The following SPAG16 variants were observed in gnomAD, a reference collection of about 807,000 sequenced individuals.
The protein encoded by SPAG16 is sperm associated antigen 16.
SPAG16 carries 86 observed loss-of-function variants against 80.4 expected under a neutral mutation model. The ratio of observed to expected loss-of-function variants is 1.07; its 90% CI spans 0.90 to 1.28. The LOEUF is 1.28. Ranked by LOEUF, SPAG16 falls within the 50% of genes most tolerant of loss-of-function variation. The pLI, the probability that SPAG16 is intolerant of heterozygous loss-of-function variation, is 0.00. For missense variants in SPAG16, 870 were observed against 765.3 expected (o/e 1.14, Z -1.61); for synonymous variants, 294 against 265.9 (o/e 1.11, Z -1.03).
chr2:213,619,940 A>G (rs943848587), intron 10 of SPAG16, among the ~76,000 whole-genome samples: 1 of 152,230 alleles, frequency 6.6e-6, no homozygotes, highest in African/African-American at 2.4e-5. Context: ...GAATGGATAA[A>G]TAAAATGTGG....
intron 13 of SPAG16, among the ~76,000 whole-genome samples, chr2:214,064,997 G>A (rs1021934207): frequency 7.2e-5 from 11 of 151,732 alleles, no homozygotes; most frequent in African/African-American, 2.2e-4. Context: ...AATAATAACA[G>A]TAACTTGTAT....
intron 10 of SPAG16, among the ~76,000 whole-genome samples, chr2:213,700,978 A>C (rs1559387637): frequency 6.6e-6 from 1 of 152,184 alleles, no homozygotes; most frequent in Non-Finnish European, 1.5e-5. Context: ...ACGGTGGCTC[A>C]TGCCTGTAAT....
At chr2:214,068,215 A>C (rs2050622092) in intron 13 of SPAG16, among the ~76,000 whole-genome samples, 1 of 152,180 alleles carries the variant, frequency 6.6e-6, no homozygotes, top group Non-Finnish European at 1.5e-5. Flanking sequence ...TGGGATGATA[A>C]ATAATATGTG....
chr2:213,886,203 C>T (rs1477173870), intron 11 of SPAG16, among the ~76,000 whole-genome samples: 3 of 152,074 alleles, frequency 2.0e-5, no homozygotes, highest in Admixed American at 6.6e-5. Context: ...CAGATAATTT[C>T]TCTGTGGCCA....
In SPAG16 at chr2:214,392,684, A is replaced by G. The variant is rs570880052; in HGVS notation, c.1721-17456A>G. On this transcript the variant is annotated intron_variant, in intron 15 of 15. Coordinates refer to ENST00000331683, the MANE Select transcript of SPAG16 (RefSeq NM_024532.5). ...GTAATTAGTGACAGGTAGATAGAAAACCAACCTACAAAGGAAAAAAAAAAA... is the reference window on the plus strand; with the variant it reads ...GTAATTAGTGACAGGTAGATAGAAAGCCAACCTACAAAGGAAAAAAAAAAA... Among the ~76,000 whole-genome samples, 7 of 129,322 alleles carry G rather than the reference A, an allele frequency of 5.4e-5. 1 individual carries two copies. In the South Asian group the frequency reaches 1.8e-3, roughly 34 times the overall value. 84.8% of individuals were successfully genotyped at this position (129,322 alleles called of 152,430 possible). A position where few individuals can be genotyped will look rare whatever the true frequency, so the allele number is the denominator to read the frequency against.
At chr2:213,458,891 G>GT (rs1325655298) in intron 9 of SPAG16, among the ~76,000 whole-genome samples, 5 of 151,736 alleles carry the variant, frequency 3.3e-5, no homozygotes, top group Admixed American at 1.3e-4. Context: ...ACATAAATAT[G>GT]TTTTTCTTTT....
At chr2:213,389,549 TCAA>T (rs962699216) in intron 9 of SPAG16, among the ~76,000 whole-genome samples, 6 of 151,994 alleles carry the variant, frequency 3.9e-5, no homozygotes, top group African/African-American at 1.2e-4. Context: ...TTCCTAAAAC[TCAA>T]CAACAACAAA....
chr2:213,323,394 T>TAG (rs1559410378), intron 5 of SPAG16, among the ~76,000 whole-genome samples: 31 of 151,904 alleles, frequency 2.0e-4, no homozygotes, highest in Non-Finnish European at 3.5e-4. Context: ...TGAGCCGAGA[T>TAG]CATGCCACTG....
At chr2:213,429,691 C>T (rs2070168537) in intron 9 of SPAG16, among the ~76,000 whole-genome samples, 2 of 152,186 alleles carry the variant, frequency 1.3e-5, no homozygotes, top group South Asian at 4.1e-4. Flanking sequence ...ACCACTACTA[C>T]AACCAACATT....
At chr2:213,503,490 C>G (rs1453071984) in intron 10 of SPAG16, among the ~76,000 whole-genome samples, 2 of 151,976 alleles carry the variant, frequency 1.3e-5, no homozygotes, top group Non-Finnish European at 2.9e-5. Context: ...TCATGCCCTT[C>G]AGGTCTGATT....
intron 10 of SPAG16, among the ~76,000 whole-genome samples, chr2:213,775,831 A>C (rs546702175): frequency 9.2e-5 from 14 of 152,328 alleles, no homozygotes; most frequent in African/African-American, 3.1e-4. Context: ...ATTAAGTGGA[A>C]GCTGCATTTT....
At chr2:213,980,949 C>T (rs2045717361) in intron 12 of SPAG16, among the ~76,000 whole-genome samples, 1 of 151,716 alleles carries the variant, frequency 6.6e-6, no homozygotes, top group South Asian at 2.1e-4. Context: ...GAGTAAAAAT[C>T]TATGTGGGTC....
intron 15 of SPAG16, among the ~76,000 whole-genome samples, chr2:214,303,976 A>G (rs1238469433): frequency 2.6e-5 from 4 of 152,094 alleles, no homozygotes; most frequent in Non-Finnish European, 5.9e-5. Context: ...CCTAGTACCC[A>G]TTAGGTATTT....
chr2:213,493,009 G>T (rs957005308), intron 10 of SPAG16, among the ~76,000 whole-genome samples: 1 of 151,846 alleles, frequency 6.6e-6, no homozygotes, highest in Non-Finnish European at 1.5e-5. Context: ...GACACCTTGC[G>T]AATCACAAAG....
chr2:213,793,638 C>G (rs1044366087), intron 10 of SPAG16, among the ~76,000 whole-genome samples: 1 of 152,180 alleles, frequency 6.6e-6, no homozygotes, highest in African/African-American at 2.4e-5. Context: ...CTACCTACAT[C>G]TATTGTAAGC....
intron 11 of SPAG16, among the ~76,000 whole-genome samples, chr2:213,927,683 A>G (rs532589157): frequency 6.6e-6 from 1 of 152,208 alleles, no homozygotes; most frequent in Non-Finnish European, 1.5e-5. Flanking sequence ...GCTTCATTCT[A>G]GTTGTAATTA....
intron 10 of SPAG16, among the ~76,000 whole-genome samples, chr2:213,497,446 G>GT (rs369848596): frequency 0.014 from 1,931 of 136,552 alleles, 14 homozygotes; most frequent in Middle Eastern, 0.023. Context: ...GTTCTACCTT[G>GT]TTTTTTTTTT....
At chr2:213,426,619 T>A (rs1246996492) in intron 9 of SPAG16, among the ~76,000 whole-genome samples, 1 of 151,964 alleles carries the variant, frequency 6.6e-6, no homozygotes, top group Non-Finnish European at 1.5e-5. Context: ...AATGATGATG[T>A]TTTAATTCTT....
chr2:214,291,729 G>A (rs1410305882), intron 15 of SPAG16, among the ~76,000 whole-genome samples: 1 of 152,174 alleles, frequency 6.6e-6, no homozygotes, highest in African/African-American at 2.4e-5. Context: ...GTTTCGGGTT[G>A]TGTTGTATAT....
Sources: gnomAD v4.1 joint callset for allele counts (sites outside exome capture counted in the v4.1 genomes callset) on GRCh38, gnomAD v4.1.1 for gene constraint, MANE v1.5 for transcripts, NCBI Gene and HGNC (gene_info 2026-07-23, HGNC 2026-07-21) for gene names.